Variants in MPV17 observed in about 807,000 individuals in gnomAD.
MPV17 encodes the protein MPV17, mitochondrial inner membrane protein.
In MPV17, 31 loss-of-function variants were observed where a neutral mutation model predicts 28.6. That is an observed-to-expected ratio of 1.08 (90% confidence interval 0.81 to 1.46). MPV17 has a LOEUF of 1.46. Among genes scored for constraint, MPV17 ranks in the 40% most tolerant of loss-of-function variants. MPV17 has a pLI of 0.00. For synonymous variants in MPV17, 87 were observed against 85.3 expected (o/e 1.02, Z -0.11); for missense variants, 198 against 216.2 (o/e 0.92, Z 0.53).
intron 2 of MPV17, among the ~76,000 whole-genome samples, chr2:27,320,383 C>T (rs1284939670): frequency 6.6e-6 from 1 of 150,620 alleles, no homozygotes; most frequent in African/African-American, 2.4e-5. Flanking sequence ...GTTGCCCAGG[C>T]TGGAGTGCAA....
chr2:27,315,968 G>A, intron 2 of MPV17: 1 of 1,492,122 alleles, frequency 6.7e-7, no homozygotes, highest in Non-Finnish European at 8.9e-7. Context: ...GGAGGCCAGG[G>A]TATTCCTGGC....
chr2:27,312,915 G>A (rs1164773047), intron 3 of MPV17, 79 bp downstream of exon 3: 8 of 1,567,570 alleles, frequency 5.1e-6, no homozygotes, highest in Non-Finnish European at 7.0e-6. Context: ...AGGTGTGAGA[G>A]TCCAAGGGAA....
Position 27,309,713 on chromosome 2 carries a change from T to A in MPV17, c.*199A>T, listed in dbSNP as rs1473630808. On this transcript the variant is annotated 3_prime_UTR_variant, in exon 8 of 8. Coordinates refer to ENST00000380044, the MANE Select transcript of MPV17 (RefSeq NM_002437.5). ...TGGAGTGCCTAGTATGTGGTGGGAA[T>A]AAGACTATTATCAAGGGCTCTAAAG... 4.6e-6 allele frequency: 3 copies of A among 655,734 alleles called. No homozygotes were observed. In the African/African-American group the frequency reaches 5.4e-5, roughly 12 times the overall value. 40.6% of individuals were successfully genotyped at this position (655,734 alleles called of 1,614,324 possible). A position where few individuals can be genotyped will look rare whatever the true frequency, so the allele number is the denominator to read the frequency against.
chr2:27,320,641 T>TTTTAAGTTTTAA (rs1679824728), intron 2 of MPV17, among the ~76,000 whole-genome samples: 1 of 152,226 alleles, frequency 6.6e-6, no homozygotes, highest in East Asian at 1.9e-4. Context: ...GTCCCTAAAC[T>TTTTAAGTTTTAA]CAAGTTTTAA....
intron 7 of MPV17, chr2:27,311,383 G>A: frequency 1.7e-6 from 1 of 587,292 alleles, no homozygotes; most frequent in South Asian, 2.0e-5. Flanking sequence ...TTTTAGCTAT[G>A]CTACTCATGT....
chr2:27,322,915 T>A, intron 1 of MPV17, 137 bp downstream of exon 1: 1 of 316,230 alleles, frequency 3.2e-6, no homozygotes, highest in Non-Finnish European at 6.1e-6. Flanking sequence ...TTGGAACCAG[T>A]TTGTAACCTT....
intron 1 of MPV17, 154 bp from the exon 2 acceptor site, chr2:27,322,676 T>C: frequency 1.5e-6 from 1 of 654,108 alleles, no homozygotes; most frequent in Non-Finnish European, 2.7e-6. Context: ...CCCAGACAGC[T>C]TCCTGTCGCA....
chr2:27,315,352 G>A (rs1241760609), intron 2 of MPV17, among the ~76,000 whole-genome samples: 2 of 152,210 alleles, frequency 1.3e-5, no homozygotes, highest in South Asian at 4.1e-4. Context: ...CCAGGGATGA[G>A]AGGGAGCTGC....
chr2:27,316,161 C>T (rs1462128546), intron 2 of MPV17: 11 of 1,551,164 alleles, frequency 7.1e-6, no homozygotes, highest in East Asian at 2.4e-5. Flanking sequence ...CTTGTCACCT[C>T]GTGGGGATGG....
chr2:27,322,549 A>T, intron 1 of MPV17, 27 bp from the exon 2 acceptor site: 2 of 1,597,958 alleles, frequency 1.3e-6, no homozygotes, highest in Non-Finnish European at 1.7e-6. Context: ...AGAGGGGGTC[A>T]CCCCCACCGT....
Position 27,316,994 on chromosome 2 carries a change from T to C in MPV17, c.71-3885A>G, listed in dbSNP as rs567954778. Reference sequence around the variant, plus strand: ...TTTGGGACCACTTCCTGCCCACTAGTGGAAAAGCCCCAACTTCCACACCCT... The same window carrying C: ...TTTGGGACCACTTCCTGCCCACTAGCGGAAAAGCCCCAACTTCCACACCCT... On this transcript the variant is annotated intron_variant, in intron 2 of 7. Transcript: ENST00000380044. The C allele has an allele frequency of 5.3e-6, 7 of 1,328,844 alleles. No homozygotes were observed. The Admixed American group carries it at 1.7e-4, about 32-fold the overall frequency. 82.3% of individuals were successfully genotyped at this position (1,328,844 alleles called of 1,614,324 possible). A position where few individuals can be genotyped will look rare whatever the true frequency, so the allele number is the denominator to read the frequency against.
rs1203108682 is a variant in MPV17 at position 27,309,909 on chromosome 2, G to A, written c.*3C>T. The A allele has an allele frequency of 6.2e-7, 1 of 1,613,192 alleles. No homozygotes were observed. Among genetic ancestry groups the A allele is most frequent in the Non-Finnish European group, 8.5e-7 (1 of 1,179,132 alleles). ...AAGGTGGAAACGATGGAGTGAGGCAGGCTTAGAGCCGATGTGCCTTCCAGG... is the reference window on the plus strand; with the variant it reads ...AAGGTGGAAACGATGGAGTGAGGCAAGCTTAGAGCCGATGTGCCTTCCAGG... On this transcript the variant is annotated 3_prime_UTR_variant, in exon 8 of 8. Transcript: ENST00000380044.
In MPV17 at chr2:27,317,217, G is replaced by T. The variant is rs942392775; in HGVS notation, c.71-4108C>A. Reference sequence around the variant, plus strand: ...CTACTGGCATGGGGCCAGCAGTGCTGCCTTCCTCCCCAGAAGTCTGCAAAC... The same window carrying T: ...CTACTGGCATGGGGCCAGCAGTGCTTCCTTCCTCCCCAGAAGTCTGCAAAC... On this transcript the variant is annotated intron_variant, in intron 2 of 7. Coordinates refer to ENST00000380044, the MANE Select transcript of MPV17 (RefSeq NM_002437.5). This position sits in a 1 kb window ranked among gnomAD's most constrained non-coding sequence, Gnocchi z 4.0. 1 of 1,548,534 alleles carries T rather than the reference G, an allele frequency of 6.5e-7. No individual in the cohort carries two copies. The highest frequency in any genetic ancestry group is 8.7e-7 in the Non-Finnish European group (1 of 1,146,182).
At chr2:27,322,342 A>C in intron 2 of MPV17, 106 bp downstream of exon 2, 1 of 1,006,428 alleles carries the variant, frequency 9.9e-7, no homozygotes, top group South Asian at 1.3e-5. Context: ...CCAACCCTTC[A>C]AGAGAGCCGA....
rs544335544 is a variant in MPV17, at chr2:27,314,898, G to A, written c.71-1789C>T. ...CTTCCTCCACACCCTCTGCCCGGCC[G>A]GCCCTGCCCCTGAGCAGCCTAGTCA... On this transcript the variant is annotated intron_variant, in intron 2 of 7. Transcript: ENST00000380044. Among the ~76,000 whole-genome samples, 56 of 152,318 alleles carry A rather than the reference G, an allele frequency of 3.7e-4. 2 individuals carry two copies. The highest frequency in any genetic ancestry group is 3.5e-3 in the Admixed American group (53 of 15,296).
chr2:27,310,086 G>T, intron 7 of MPV17, 105 bp from the exon 8 acceptor site: 1 of 878,200 alleles, frequency 1.1e-6, no homozygotes. Flanking sequence ...ACAAAGGATT[G>T]GCAGGTTTAG....
At chr2:27,314,969 C>G (rs532970564) in intron 2 of MPV17, among the ~76,000 whole-genome samples, 1 of 152,212 alleles carries the variant, frequency 6.6e-6, no homozygotes, top group East Asian at 1.9e-4. Flanking sequence ...GATGGAAACC[C>G]GTGGCTCACC....
chr2:27,316,809 T>C, intron 2 of MPV17: 1 of 409,230 alleles, frequency 2.4e-6, no homozygotes, highest in Non-Finnish European at 4.4e-6. Flanking sequence ...TAGGGGCTGC[T>C]GGGCAGTGAT....
At position 27,311,913 on chromosome 2, in the gene MPV17, G is replaced by A. The variant is rs769048578; in HGVS notation, c.447C>T (p.Val149=). The A allele has an allele frequency of 1.9e-6, 3 of 1,613,746 alleles. No homozygotes were observed. The highest frequency in any genetic ancestry group is 2.5e-6 in the Non-Finnish European group (3 of 1,179,978). Residue 149 remains valine (V), a synonymous_variant, in exon 7 of 8, where the codon GTC becomes GTT. Coordinates refer to ENST00000380044, the MANE Select transcript of MPV17 (RefSeq NM_002437.5). ...PAVQLANFYL[V]PLHYRLAVVQ... ...GTGCAACATACCTGTAATGAAGGGG[G>A]ACCAGGTAGAAGTTGGCTAACTGCA...
Sources: allele counts gnomAD v4.1 joint callset (sites outside exome capture counted in the v4.1 genomes callset), GRCh38; gene constraint gnomAD v4.1.1; non-coding constraint Gnocchi (gnomAD v3.1); transcripts MANE v1.5; gene names NCBI Gene and HGNC (gene_info 2026-07-23, HGNC 2026-07-21).